C2orf80: variants seen among roughly 807,000 people sequenced by gnomAD.
C2orf80 encodes the protein chromosome 2 open reading frame 80.
A neutral mutation model predicts 30.2 loss-of-function variants in C2orf80; 28 were observed. That is an observed-to-expected ratio of 0.93 (90% CI 0.69 to 1.27). The LOEUF is 1.27. C2orf80 is among the 50% of genes most tolerant of loss of function. C2orf80 has a pLI of 0.00. For missense variants in C2orf80, 220 were observed against 231.0 expected, an observed-to-expected ratio of 0.95 and a Z score of 0.31; for synonymous variants, 80 against 76.4, an observed-to-expected ratio of 1.05 and a Z score of -0.24.
In C2orf80 at chr2:208,180,505, C is replaced by T. The variant is rs969029730; in HGVS notation, c.366+240G>A. Among the ~76,000 whole-genome samples, 26 of 151,670 alleles carry T rather than the reference C, an allele frequency of 1.7e-4. No individual in the cohort carries two copies. In the South Asian group the frequency reaches 5.0e-3, roughly 29 times the overall value. ...AAGTTTTGCCCCCAAGCCTGGTACT[C>T]ATTGCTGCCCCTTCTCAGCCGTACA... On this transcript the variant is annotated intron_variant, in intron 6 of 8. Coordinates refer to ENST00000341287, the MANE Select transcript of C2orf80 (RefSeq NM_001099334.3).
In C2orf80 at chr2:208,182,961, T is replaced by A; in HGVS notation, c.206+4A>T. ...AGGAAAGCAACAAACCTACTTCAAC[T>A]TACAGTTCCTCCCACTCCAGCCAAG... On this transcript the variant is annotated splice_donor_region_variant and intron_variant, in intron 4 of 8. Coordinates refer to ENST00000341287, the MANE Select transcript of C2orf80 (RefSeq NM_001099334.3). 8 of 1,611,334 alleles carry A rather than the reference T, an allele frequency of 5.0e-6. No homozygotes were observed. The highest frequency in any genetic ancestry group is 5.9e-6 in the Non-Finnish European group (7 of 1,177,444).
At chr2:208,174,482 C>A (rs962122108) in intron 6 of C2orf80, among the ~76,000 whole-genome samples, 3 of 152,044 alleles carry the variant, frequency 2.0e-5, no homozygotes, top group African/African-American at 7.2e-5. Context: ...CGAGTGGGGG[C>A]GAACTTGGAA....
rs1696337397 is a variant in C2orf80, at chr2:208,176,933, ATACATATC to A, written c.366+3804_366+3811del. 2.9e-5 allele frequency among the ~76,000 whole-genome samples: 2 copies of A among 69,502 alleles called. 1 individual carries two copies. The highest frequency in any genetic ancestry group is 5.7e-5 in the Non-Finnish European group (2 of 35,378). The allele number at this position is 69,502 out of a possible 152,430, so 45.6% of individuals were successfully genotyped here. ...TGTATACATATCTGTATACATATGT[ATACATATC>A]TGTATACATATCTGTATACATATGT... On this transcript the variant is annotated intron_variant, in intron 6 of 8. Transcript: ENST00000341287.
At chr2:208,187,135 T>A (rs1696741801) in intron 1 of C2orf80, 74 bp from the exon 2 acceptor site, 1 of 701,628 alleles carries the variant, frequency 1.4e-6, no homozygotes, top group African/African-American at 1.8e-5. Context: ...AGTCCTAGGC[T>A]CTGGAAGGGA....
chr2:208,176,919 C>CATATGTATACAGATA lies in C2orf80; in HGVS notation c.366+3825_366+3826insTATCTGTATACATAT, dbSNP rs1559340244. ...TATATACATATCTGTGTATACATAT[C>CATATGTATACAGATA]TGTATACATATGTATACATATCTGT... On this transcript the variant is annotated intron_variant, in intron 6 of 8. Coordinates refer to ENST00000341287, the MANE Select transcript of C2orf80 (RefSeq NM_001099334.3). 7.8e-4 allele frequency among the ~76,000 whole-genome samples: 64 copies of CATATGTATACAGATA among 81,682 alleles called. 6 individuals carry two copies. The highest frequency in any genetic ancestry group is 2.5e-3 in the African/African-American group (51 of 20,354). The allele number at this position is 81,682 out of a possible 152,430, so 53.6% of individuals were successfully genotyped here.
chr2:208,175,016 C>T (rs1338044283), intron 6 of C2orf80, among the ~76,000 whole-genome samples: 2 of 152,142 alleles, frequency 1.3e-5, no homozygotes, highest in South Asian at 2.1e-4. Flanking sequence ...CGCGGTGGCT[C>T]AGCCTGTAAT....
chr2:208,179,483 G>C (rs1010522159), intron 6 of C2orf80, among the ~76,000 whole-genome samples: 1 of 152,192 alleles, frequency 6.6e-6, no homozygotes, highest in African/African-American at 2.4e-5. Flanking sequence ...GTGAGCAGAA[G>C]ACCTGGGCGT....
chr2:208,175,799 ACT>A (rs1421949025), intron 6 of C2orf80, among the ~76,000 whole-genome samples: 1 of 151,734 alleles, frequency 6.6e-6, no homozygotes, highest in Non-Finnish European at 1.5e-5. Context: ...ATTCCAAAAG[ACT>A]CTTTTAAAAT....
chr2:208,173,618 C>T (rs1696181909), intron 6 of C2orf80, among the ~76,000 whole-genome samples: 1 of 83,556 alleles, frequency 1.2e-5, no homozygotes, highest in Non-Finnish European at 2.5e-5. Flanking sequence ...GAGCGAGACT[C>T]CATCTCAAAA....
chr2:208,182,838 G>T, intron 4 of C2orf80, 127 bp downstream of exon 4: 1 of 780,274 alleles, frequency 1.3e-6, no homozygotes, highest in Non-Finnish European at 2.3e-6. Context: ...GTTGAAGAGG[G>T]ATATTCACCC....
At chr2:208,187,744 A>G (rs1696759828) in intron 1 of C2orf80, among the ~76,000 whole-genome samples, 2 of 151,368 alleles carry the variant, frequency 1.3e-5, no homozygotes, top group African/African-American at 4.9e-5. Context: ...TTGGGCCTCT[A>G]TGATCAAATA....
At chr2:208,172,480 C>A (rs984395589) in intron 6 of C2orf80, among the ~76,000 whole-genome samples, 10 of 152,156 alleles carry the variant, frequency 6.6e-5, no homozygotes, top group African/African-American at 2.2e-4. Flanking sequence ...GTTCCCCCTG[C>A]CTACCCAATG....
At chr2:208,171,211 T>TGGAAC in intron 7 of C2orf80, 148 bp from the exon 8 acceptor site, 1 of 619,938 alleles carries the variant, frequency 1.6e-6, no homozygotes, top group South Asian at 2.0e-5. Flanking sequence ...AGTGGTTCCA[T>TGGAAC]CACGGCTCAT....
At chr2:208,179,024 T>G (rs113909517) in intron 6 of C2orf80, among the ~76,000 whole-genome samples, 1,928 of 152,156 alleles carry the variant, frequency 0.013, 47 homozygotes, top group African/African-American at 0.044. Flanking sequence ...CTCCCAAAGT[T>G]CTGGGATTAC....
intron 8 of C2orf80, among the ~76,000 whole-genome samples, chr2:208,169,892 G>A (rs953536324): frequency 2.6e-5 from 4 of 152,026 alleles, no homozygotes; most frequent in Non-Finnish European, 4.4e-5. Context: ...AATTCAATCA[G>A]TTCCTAAAGC....
intron 1 of C2orf80, among the ~76,000 whole-genome samples, chr2:208,189,086 C>T (rs567746436): frequency 1.3e-5 from 2 of 152,310 alleles, no homozygotes; most frequent in East Asian, 3.9e-4. Context: ...CATTCTGTAA[C>T]TCTATAAAGT....
At chr2:208,183,740 C>T (rs920116747) in intron 3 of C2orf80, among the ~76,000 whole-genome samples, 2 of 151,964 alleles carry the variant, frequency 1.3e-5, no homozygotes, top group Non-Finnish European at 2.9e-5. Flanking sequence ...ACGGAGCGGG[C>T]GGGGAAGGGG....
intron 6 of C2orf80, among the ~76,000 whole-genome samples, chr2:208,175,009 G>A (rs1280606395): frequency 6.6e-6 from 1 of 152,112 alleles, no homozygotes; most frequent in Non-Finnish European, 1.5e-5. Flanking sequence ...GGTCGGGCGC[G>A]GTGGCTCAGC....
Position 208,180,782 on chromosome 2 carries a change from T to A in C2orf80, c.329A>T (p.Tyr110Phe), listed in dbSNP as rs969080672. 1.1e-5 allele frequency: 17 copies of A among 1,613,716 alleles called. 1 individual carries two copies. Among genetic ancestry groups the A allele is most frequent in the Non-Finnish European group, 1.4e-5 (16 of 1,179,802 alleles). ...AGAATCGGCAGAAGAATCAGCCCCA[T>A]AAATTTTAAAGACTTCCTCAATCGG... ...SIPIEEVFKIYGADSSADSGT... is the reference protein window; with the variant it reads ...SIPIEEVFKIFGADSSADSGT... The change falls in exon 6 of 9, where the codon TAT becomes TTT. Residue 110 changes from tyrosine to phenylalanine, a missense_variant. Transcript: ENST00000341287.
Sources: allele counts gnomAD v4.1 joint callset (sites outside exome capture counted in the v4.1 genomes callset), GRCh38; gene constraint gnomAD v4.1.1; transcripts MANE v1.5; gene names NCBI Gene and HGNC (gene_info 2026-07-23, HGNC 2026-07-21).